The following OR11H4 variants were observed in gnomAD, a reference collection of about 807,000 sequenced individuals.
The protein encoded by OR11H4 is olfactory receptor 11H4.
For synonymous variants in OR11H4, 162 were observed against 142.3 expected, an observed-to-expected ratio of 1.14 and a Z score of -0.98; for missense variants, 460 against 371.1, an observed-to-expected ratio of 1.24 and a Z score of -1.97.
rs749808903 is a variant in OR11H4, at chr14:20,243,813, A to G, written c.*47A>G. 11 of 1,521,856 alleles carry G rather than the reference A, an allele frequency of 7.2e-6. No individual in the cohort carries two copies. The highest frequency in any genetic ancestry group is 7.0e-6 in the Non-Finnish European group (8 of 1,136,022). 94.3% of individuals were successfully genotyped at this position (1,521,856 alleles called of 1,614,324 possible). A position where few individuals can be genotyped will look rare whatever the true frequency, so the allele number is the denominator to read the frequency against. ...CAAGTTCTAACGAAGAACAAGGTCG[A>G]GATGTTGTCAGTTCTTTAGCAGTCT... On this transcript the variant is annotated 3_prime_UTR_variant, in exon 2 of 2. Transcript: ENST00000641082.
rs2138751838 is a variant in OR11H4, at chr14:20,242,875, T to C, written c.54T>C (p.Pro18=). 2.5e-6 allele frequency: 4 copies of C among 1,614,180 alleles called. No homozygotes were observed. Among genetic ancestry groups the C allele is most frequent in the Admixed American group, 1.7e-5 (1 of 60,034 alleles). The change falls in exon 2 of 2, where the codon CCT becomes CCC. Residue 18 remains proline, a synonymous_variant. Coordinates refer to ENST00000641082, the MANE Select transcript of OR11H4 (RefSeq NM_001004479.2). ...IVTEFILLGF[P]GCWKIQIFLF... ...CAGAGTTTATTCTCCTGGGATTCCC[T>C]GGTTGCTGGAAGATTCAGATTTTCC...
intron 1 of OR11H4, 87 bp from the exon 2 acceptor site, chr14:20,242,724 T>C: frequency 1.4e-6 from 2 of 1,472,006 alleles, no homozygotes. Context: ...CAAGTTCTCG[T>C]CTCAGTAAAA....
intron 1 of OR11H4, among the ~76,000 whole-genome samples, chr14:20,242,041 C>T (rs939943120): frequency 3.9e-5 from 6 of 151,982 alleles, no homozygotes; most frequent in African/African-American, 1.4e-4. Flanking sequence ...CCTAGACATT[C>T]AGTTCCCAGG....
intron 1 of OR11H4, among the ~76,000 whole-genome samples, chr14:20,241,898 G>T (rs551975960): frequency 0.01 from 1,578 of 151,970 alleles, 12 homozygotes; most frequent in South Asian, 0.027. Flanking sequence ...CAGATATATA[G>T]TTCTCTCCAC....
intron 1 of OR11H4, among the ~76,000 whole-genome samples, chr14:20,241,002 A>G (rs538811225): frequency 6.6e-6 from 1 of 152,122 alleles, no homozygotes; most frequent in Non-Finnish European, 1.5e-5. Flanking sequence ...TTGCTACTGA[A>G]AAGTACATAC....
chr14:20,239,543 A>C (rs530313508), intron 1 of OR11H4, among the ~76,000 whole-genome samples: 2 of 151,948 alleles, frequency 1.3e-5, no homozygotes, highest in Non-Finnish European at 2.9e-5. Flanking sequence ...AAATACAAAA[A>C]ATTAGCCGGG....
At chr14:20,241,387 C>A (rs963702018) in intron 1 of OR11H4, among the ~76,000 whole-genome samples, 1 of 151,890 alleles carries the variant, frequency 6.6e-6, no homozygotes, top group Admixed American at 6.6e-5. Flanking sequence ...TTTCAGTTAT[C>A]CTCAAAATGT....
chr14:20,241,788 G>A (rs1880927742), intron 1 of OR11H4, among the ~76,000 whole-genome samples: 1 of 152,080 alleles, frequency 6.6e-6, no homozygotes. Flanking sequence ...GGAGAGCACG[G>A]TGATAATAAG....
intron 1 of OR11H4, among the ~76,000 whole-genome samples, chr14:20,240,697 C>A (rs1299669632): frequency 6.6e-6 from 1 of 151,412 alleles, no homozygotes; most frequent in Non-Finnish European, 1.5e-5. Flanking sequence ...TCTGCTTGGC[C>A]TCCCAAGTAG....
At position 20,243,667 on chromosome 14, in the gene OR11H4, T is replaced by A. The variant is rs763509308; in HGVS notation, c.846T>A (p.Thr282=). ...TCACACTGGTATATTCAGTAACGAC[T>A]CCTCTTTTTAATCCTCTGATCTATA... ...KILTLVYSVT[T]PLFNPLIYTL... is the part of the protein sequence containing the mutation. Residue 282 remains threonine, a synonymous_variant, in exon 2 of 2, where the codon ACT becomes ACA. Coordinates refer to ENST00000641082, the MANE Select transcript of OR11H4 (RefSeq NM_001004479.2). The A allele has an allele frequency of 5.5e-5, 89 of 1,613,948 alleles. No individual in the cohort carries two copies. The Admixed American group carries it at 1.4e-3, about 25-fold the overall frequency.
chr14:20,242,068 T>C (rs999688951), intron 1 of OR11H4, among the ~76,000 whole-genome samples: 16 of 152,032 alleles, frequency 1.1e-4, no homozygotes, highest in Admixed American at 9.2e-4. Context: ...CAGGAGACAG[T>C]GGCCTTCCTC....
chr14:20,243,369 C>A lies in OR11H4; in HGVS notation c.548C>A (p.Pro183Gln). The change falls in exon 2 of 2, where the codon CCA (proline) becomes CAA (glutamine). Residue 183 changes from proline (P) to glutamine (Q), a missense_variant. By Grantham distance (76) the Pro-to-Gln change is moderately conservative. Transcript: ENST00000641082. ...GATCACTTCCTGTGTGACATGGACCCATTGATGGCTCTATCCTGTGCCCCA... is the reference window on the plus strand; with the variant it reads ...GATCACTTCCTGTGTGACATGGACCAATTGATGGCTCTATCCTGTGCCCCA... ...IIDHFLCDMD[P>Q]LMALSCAPAP... The A allele has an allele frequency of 6.2e-7, 1 of 1,614,098 alleles. No individual in the cohort carries two copies. The highest frequency in any genetic ancestry group is 8.5e-7 in the Non-Finnish European group (1 of 1,179,944).
At position 20,243,860 on chromosome 14, in the gene OR11H4, T is replaced by G; in HGVS notation, c.*94T>G. On this transcript the variant is annotated 3_prime_UTR_variant, in exon 2 of 2. Coordinates refer to ENST00000641082, the MANE Select transcript of OR11H4 (RefSeq NM_001004479.2). ...GTCTTTCAGTCCTCAGTCTGAGTAG[T>G]TAGAGGTTGTATATTTTACCTGGAA... is the stretch of plus-strand genomic sequence containing the variant. The G allele has an allele frequency of 7.8e-7, 1 of 1,280,370 alleles. No homozygotes were observed. Among genetic ancestry groups the G allele is most frequent in the Admixed American group, 2.4e-5 (1 of 41,236 alleles). The allele number at this position is 1,280,370 out of a possible 1,614,324, so 79.3% of individuals were successfully genotyped here. A position where few individuals can be genotyped will look rare whatever the true frequency, so the allele number is the denominator to read the frequency against.
chr14:20,241,596 G>C (rs149356843), intron 1 of OR11H4, among the ~76,000 whole-genome samples: 2 of 152,104 alleles, frequency 1.3e-5, no homozygotes, highest in African/African-American at 2.4e-5. Flanking sequence ...GGGTATTTCT[G>C]GTCTGGTAGG....
In OR11H4 at chr14:20,243,128, T is replaced by C; in HGVS notation, c.307T>C (p.Phe103Leu). Residue 103 changes from phenylalanine (F) to leucine (L), a missense_variant, in exon 2 of 2, where the codon TTC (phenylalanine) becomes CTC (leucine). By Grantham distance (22) the Phe-to-Leu change is conservative (BLOSUM62 0). Transcript: ENST00000641082. Reference protein sequence around the residue: ...SFSGCFLQFYFFFSLGTTECL... With the variant: ...SFSGCFLQFYLFFSLGTTECL... ...TTCTGGGTGCTTCCTCCAGTTCTAT[T>C]TCTTCTTTTCACTGGGAACAACTGA... The C allele has an allele frequency of 6.2e-7, 1 of 1,614,178 alleles. No homozygotes were observed. The highest frequency in any genetic ancestry group is 1.7e-5 in the Admixed American group (1 of 60,014).
chr14:20,242,727 C>A (rs1880962006), intron 1 of OR11H4, 84 bp from the exon 2 acceptor site: 3 of 1,493,456 alleles, frequency 2.0e-6, no homozygotes, highest in East Asian at 4.5e-5. Flanking sequence ...GTTCTCGTCT[C>A]AGTAAAATCC....
chr14:20,243,107 G>C lies in OR11H4; in HGVS notation c.286G>C (p.Gly96Arg). 2 of 1,614,034 alleles carry C rather than the reference G, an allele frequency of 1.2e-6. No homozygotes were observed. The highest frequency in any genetic ancestry group is 1.7e-6 in the Non-Finnish European group (2 of 1,179,992). Residue 96 changes from glycine to arginine, a missense_variant, in exon 2 of 2, where the codon GGG becomes CGG. Physicochemically the swap from Gly to Arg is moderately radical, Grantham distance 125. Transcript: ENST00000641082. ...CAAGACCAAGGCCATCTCATTTTCT[G>C]GGTGCTTCCTCCAGTTCTATTTCTT... The part of the protein sequence containing the change: ...LSKTKAISFS[G>R]CFLQFYFFFS...
At chr14:20,241,850 T>C (rs1880931300) in intron 1 of OR11H4, among the ~76,000 whole-genome samples, 1 of 152,038 alleles carries the variant, frequency 6.6e-6, no homozygotes, top group African/African-American at 2.4e-5. Flanking sequence ...CATAATTAAG[T>C]TCAAGGGAAG....
Position 20,242,791 on chromosome 14 carries a change from C to T in OR11H4, c.-11-20C>T. On this transcript the variant is annotated intron_variant, in intron 1 of 1. Transcript: ENST00000641082. ...CACTCCAAGAGACTTGGATTACACT[C>T]ATGTCTTTCTTCTTTGTAGACTTAA... 6.2e-7 allele frequency: 1 copy of T among 1,609,108 alleles called. No individual in the cohort carries two copies. Among genetic ancestry groups the T allele is most frequent in the Non-Finnish European group, 8.5e-7 (1 of 1,177,338 alleles).
Sources: gnomAD v4.1 joint callset for allele counts (sites outside exome capture counted in the v4.1 genomes callset) on GRCh38, gnomAD v4.1.1 for gene constraint, MANE v1.5 for transcripts, NCBI Gene and HGNC (gene_info 2026-07-23, HGNC 2026-07-21) for gene names.